Variants in IARS1 observed in about 807,000 individuals in gnomAD.
The protein encoded by IARS1 is isoleucyl-tRNA synthetase 1, also known as isoleucine--tRNA ligase, cytoplasmic.
Under a neutral mutation model 168.2 loss-of-function variants are expected in IARS1, and 124 were observed. The observed-to-expected ratio is 0.74, with a 90% confidence interval of 0.64 to 0.86. The LOEUF (loss-of-function observed/expected upper bound fraction) is 0.86. IARS1 is among the 40% of genes least tolerant of loss of function. The pLI is 0.00. For synonymous variants in IARS1, 532 were observed against 529.4 expected (o/e 1.00, Z -0.07); for missense variants, 1,452 against 1,515.8 (o/e 0.96, Z 0.70).
At chr9:92,222,704 T>C in intron 32 of IARS1, 32 bp from the exon 33 acceptor site, 1 of 1,611,296 alleles carries the variant, frequency 6.2e-7, no homozygotes, top group Non-Finnish European at 8.5e-7. Context: ...GGATTAAATC[T>C]CGAGAGTTCA....
At position 92,259,136 on chromosome 9, in the gene IARS1, G is replaced by A. The variant is rs764790914; in HGVS notation, c.1872-138C>T. ...GGGTAATTATGAATACTCTTTGAGT[G>A]GTCAATTTAAAACTCACAAAACTCA... On this transcript the variant is annotated intron_variant, in intron 18 of 33. Transcript: ENST00000443024. 8 of 737,802 alleles carry A rather than the reference G, an allele frequency of 1.1e-5. No individual in the cohort carries two copies. In the South Asian group the frequency reaches 1.5e-4, roughly 14 times the overall value. 45.7% of individuals were successfully genotyped at this position (737,802 alleles called of 1,614,324 possible).
Position 92,260,162 on chromosome 9 carries a change from A to G in IARS1, c.1860T>C (p.Ala620=), listed in dbSNP as rs1208009124. Residue 620 remains alanine, a synonymous_variant, in exon 18 of 34, where the codon GCT becomes GCC. Coordinates refer to ENST00000443024, the MANE Select transcript of IARS1 (RefSeq NM_002161.6). ...DPVSIIQKYG[A]DALRLYLINS... ...GCACTGGTTTGTACCTGAGGGCATC[A>G]GCACCATACTTCTGGATGATGGAAA... 6.2e-7 allele frequency: 1 copy of G among 1,612,600 alleles called. No individual in the cohort carries two copies. Among genetic ancestry groups the G allele is most frequent in the South Asian group, 1.1e-5 (1 of 91,042 alleles).
intron 30 of IARS1, among the ~76,000 whole-genome samples, chr9:92,239,272 A>C (rs905191252): frequency 6.6e-6 from 1 of 152,138 alleles, no homozygotes; most frequent in Non-Finnish European, 1.5e-5. Context: ...TCACTTGAGA[A>C]TGTCTTTATT....
intron 5 of IARS1, 71 bp downstream of exon 5, chr9:92,286,465 A>C (rs1233028819): frequency 1.3e-6 from 1 of 758,296 alleles, no homozygotes; most frequent in Non-Finnish European, 2.3e-6. Context: ...GATTCATGCT[A>C]GTGCATTTTT....
At chr9:92,247,310 C>A in intron 26 of IARS1, 67 bp downstream of exon 26, 1 of 1,454,030 alleles carries the variant, frequency 6.9e-7, no homozygotes, top group Non-Finnish European at 9.4e-7. Flanking sequence ...AAAAGTCAAA[C>A]AGTAGCCTAA....
chr9:92,270,851 A>T (rs1437517794), intron 12 of IARS1, 134 bp downstream of exon 12: 1 of 529,802 alleles, frequency 1.9e-6, no homozygotes, highest in Non-Finnish European at 3.3e-6. Context: ...ATGAAGTAAG[A>T]AGGTGGCTTC....
chr9:92,277,793 T>A (rs1257735877), intron 9 of IARS1, 70 bp downstream of exon 9: 1 of 1,331,980 alleles, frequency 7.5e-7, no homozygotes, highest in Non-Finnish European at 1.1e-6. Flanking sequence ...CAATTCCACT[T>A]CTCACAACAC....
rs75769239 is a variant in IARS1 at position 92,268,130 on chromosome 9, T to C, written c.1431+44A>G. ...CCACATTCAGATTTCATGAACAAAATGCTTTAGCAAAAATCAACACAAGGA... is the reference window on the plus strand; with the variant it reads ...CCACATTCAGATTTCATGAACAAAACGCTTTAGCAAAAATCAACACAAGGA... On this transcript the variant is annotated intron_variant, in intron 14 of 33. Transcript: ENST00000443024. 6.8e-3 allele frequency: 10,378 copies of C among 1,522,118 alleles called. 49 individuals are homozygous for C. Among genetic ancestry groups the C allele is most frequent in the Non-Finnish European group, 8.1e-3 (9,189 of 1,140,520 alleles). 94.3% of individuals were successfully genotyped at this position (1,522,118 alleles called of 1,614,324 possible). A position where few individuals can be genotyped will look rare whatever the true frequency, so the allele number is the denominator to read the frequency against.
chr9:92,282,260 T>A (rs1460562772), intron 6 of IARS1, among the ~76,000 whole-genome samples: 1 of 152,084 alleles, frequency 6.6e-6, no homozygotes, highest in Non-Finnish European at 1.5e-5. Context: ...TAAAGAACTC[T>A]CCGCTTTTCT....
rs115328533 is a variant in IARS1 at position 92,236,827 on chromosome 9, G to A, written c.3283+4029C>T. 9.8e-3 allele frequency among the ~76,000 whole-genome samples: 1,485 copies of A among 152,292 alleles called. 22 individuals carry two copies. The highest frequency in any genetic ancestry group is 0.031 in the African/African-American group (1,306 of 41,562). On this transcript the variant is annotated intron_variant, in intron 30 of 33. Coordinates refer to ENST00000443024, the MANE Select transcript of IARS1 (RefSeq NM_002161.6). ...TGGCATCACTGCACTGTCCAGCCTG[G>A]GCGACAAGCATCCAAGTTGTCAAAC...
At chr9:92,240,413 G>A in intron 30 of IARS1, 1 of 440,862 alleles carries the variant, frequency 2.3e-6, no homozygotes, top group Middle Eastern at 6.3e-4. Context: ...ATAGGTACCT[G>A]CCACCATGCC....
chr9:92,230,214 G>T (rs1384796278), intron 30 of IARS1, among the ~76,000 whole-genome samples: 1 of 151,914 alleles, frequency 6.6e-6, no homozygotes, highest in Non-Finnish European at 1.5e-5. Flanking sequence ...GGATTCAAGA[G>T]ATTCTCCTGT....
intron 33 of IARS1, among the ~76,000 whole-genome samples, chr9:92,218,017 A>T (rs1353223572): frequency 2.6e-5 from 4 of 152,070 alleles, no homozygotes; most frequent in African/African-American, 4.8e-5. Flanking sequence ...TTGATGCAAA[A>T]ATCCTCAATA....
In IARS1 at chr9:92,210,239, C is replaced by T. The variant is rs1837549222; in HGVS notation, c.*568G>A. 6.5e-6 allele frequency: 1 copy of T among 153,062 alleles called. No homozygotes were observed. Among genetic ancestry groups the T allele is most frequent in the East Asian group, 1.9e-4 (1 of 5,226 alleles). 9.5% of individuals were successfully genotyped at this position (153,062 alleles called of 1,614,324 possible). The stretch of plus-strand genomic sequence containing the variant: ...AAGAAGTTTTATTAGATGTCTAGTC[C>T]ACTGTCTTAATAAGAAACCACCATG... On this transcript the variant is annotated 3_prime_UTR_variant, in exon 34 of 34. Coordinates refer to ENST00000443024, the MANE Select transcript of IARS1 (RefSeq NM_002161.6).
At chr9:92,277,674 T>A (rs555880408) in intron 9 of IARS1, among the ~76,000 whole-genome samples, 189 bp downstream of exon 9, 68 of 143,642 alleles carry the variant, frequency 4.7e-4, no homozygotes, top group South Asian at 2.2e-3. Flanking sequence ...ACCCTGTTTT[T>A]AAAAAAAAAA....
intron 18 of IARS1, 22 bp from the exon 19 acceptor site, chr9:92,259,020 G>C: frequency 7.6e-6 from 12 of 1,579,890 alleles, no homozygotes; most frequent in Non-Finnish European, 1.0e-5. Flanking sequence ...AGAAAAATTA[G>C]ACAGAAAAGG....
intron 20 of IARS1, 64 bp downstream of exon 20, chr9:92,256,616 T>A (rs1830760447): frequency 4.1e-6 from 6 of 1,454,242 alleles, no homozygotes; most frequent in Non-Finnish European, 4.7e-6. Flanking sequence ...CTATTAAATA[T>A]CAAAAGGGCA....
intron 9 of IARS1, among the ~76,000 whole-genome samples, chr9:92,277,376 G>C (rs1833911642): frequency 1.3e-5 from 2 of 151,992 alleles, no homozygotes; most frequent in Admixed American, 6.6e-5. Flanking sequence ...AGTCAGCCAA[G>C]ATCGCGCTAT....
At chr9:92,257,191 A>G (rs1300701074) in intron 19 of IARS1, among the ~76,000 whole-genome samples, 2 of 152,242 alleles carry the variant, frequency 1.3e-5, no homozygotes, top group African/African-American at 4.8e-5. Flanking sequence ...GTACTGGGAA[A>G]TAATTTCCAT....
Sources: gnomAD v4.1 joint callset for allele counts (sites outside exome capture counted in the v4.1 genomes callset) on GRCh38, gnomAD v4.1.1 for gene constraint, MANE v1.5 for transcripts, NCBI Gene and HGNC (gene_info 2026-07-23, HGNC 2026-07-21) for gene names.